NAALADL2: variants seen among roughly 807,000 people sequenced by gnomAD.
NAALADL2 encodes the protein N-acetylated alpha-linked acidic dipeptidase like 2, also known as inactive N-acetylated-alpha-linked acidic dipeptidase-like protein 2.
A neutral mutation model predicts 87.2 loss-of-function variants in NAALADL2; 76 were observed. That is an observed-to-expected ratio of 0.87 (90% CI 0.72 to 1.05). The LOEUF is 1.05. Ranked by LOEUF, NAALADL2 falls within the 50% of genes least tolerant of loss-of-function variation. The pLI is 0.00. For synonymous variants in NAALADL2, 354 were observed against 331.0 expected, an observed-to-expected ratio of 1.07 and a Z score of -0.75; for missense variants, 1,089 against 945.8, an observed-to-expected ratio of 1.15 and a Z score of -1.99.
intron 4 of NAALADL2, among the ~76,000 whole-genome samples, chr3:175,310,721 T>TGTCA (rs149986624): frequency 0.011 from 1,729 of 152,164 alleles, 29 homozygotes; most frequent in African/African-American, 0.036. Flanking sequence ...GGTTCATGCA[T>TGTCA]GTCACTATGG....
intron 11 of NAALADL2, among the ~76,000 whole-genome samples, chr3:175,681,761 A>T (rs946771691): frequency 6.6e-6 from 1 of 152,158 alleles, no homozygotes; most frequent in African/African-American, 2.4e-5. Context: ...AGTGTAAATA[A>T]ATGTCTGAAA....
intron 11 of NAALADL2, among the ~76,000 whole-genome samples, chr3:175,691,572 T>A (rs1438278709): frequency 3.3e-5 from 5 of 151,982 alleles, no homozygotes; most frequent in African/African-American, 7.2e-5. Flanking sequence ...CTCTTCCTTG[T>A]CAATTTTTAC....
chr3:175,738,263 TG>T (rs1453455723), intron 12 of NAALADL2, among the ~76,000 whole-genome samples: 5 of 152,172 alleles, frequency 3.3e-5, no homozygotes, highest in Non-Finnish European at 7.4e-5. Flanking sequence ...TCTTTTTTTT[TG>T]AGATGGAATC....
chr3:174,667,880 C>A (rs1726125080), intron 2 of NAALADL2, among the ~76,000 whole-genome samples: 1 of 152,036 alleles, frequency 6.6e-6, no homozygotes, highest in South Asian at 2.1e-4. Flanking sequence ...ATTCATTTTA[C>A]TTTTCTTAGA....
chr3:175,624,164 A>G (rs1726657183), intron 10 of NAALADL2, among the ~76,000 whole-genome samples: 1 of 152,044 alleles, frequency 6.6e-6, no homozygotes, highest in Non-Finnish European at 1.5e-5. Context: ...CAGAGTTAAT[A>G]ATAAACTCTG....
At chr3:175,091,526 T>C (rs1162087247) in intron 1 of NAALADL2, among the ~76,000 whole-genome samples, 1 of 152,082 alleles carries the variant, frequency 6.6e-6, no homozygotes, top group East Asian at 1.9e-4. Context: ...GGAAAGCCTT[T>C]ATATGTGTTC....
chr3:174,960,462 A>G (rs1741814018), intron 1 of NAALADL2, among the ~76,000 whole-genome samples: 1 of 152,096 alleles, frequency 6.6e-6, no homozygotes, highest in Non-Finnish European at 1.5e-5. Flanking sequence ...AATCAAGAAC[A>G]TTCATCTTGG....
chr3:175,142,571 A>T (rs1310925280), intron 2 of NAALADL2, among the ~76,000 whole-genome samples: 1 of 152,100 alleles, frequency 6.6e-6, no homozygotes, highest in Non-Finnish European at 1.5e-5. Flanking sequence ...CTGCATCTAC[A>T]GCCCATCCTA....
rs563710081 is a variant in NAALADL2 at position 175,292,565 on chromosome 3, A to G, written c.940-31610A>G. Reference sequence around the variant, plus strand: ...GTGATACATTTAAAATGGAGACTCAATAAATGCAGTCTGATTGTGAGTTGG... The same window carrying G: ...GTGATACATTTAAAATGGAGACTCAGTAAATGCAGTCTGATTGTGAGTTGG... On this transcript the variant is annotated intron_variant, in intron 4 of 13. Coordinates refer to ENST00000454872, the MANE Select transcript of NAALADL2 (RefSeq NM_207015.3). 9.4e-5 allele frequency among the ~76,000 whole-genome samples: 14 copies of G among 148,642 alleles called. No individual in the cohort carries two copies. The South Asian group carries it at 2.1e-3, about 23-fold the overall frequency.
chr3:175,656,383 T>G lies in NAALADL2; in HGVS notation c.1896+28997T>G, dbSNP rs149637808. Among the ~76,000 whole-genome samples the G allele has an allele frequency of 1.8e-3, 267 of 152,312 alleles. 1 individual carries two copies. Among genetic ancestry groups the G allele is most frequent in the African/African-American group, 5.1e-3 (212 of 41,570 alleles). On this transcript the variant is annotated intron_variant, in intron 11 of 13. Coordinates refer to ENST00000454872, the MANE Select transcript of NAALADL2 (RefSeq NM_207015.3). ...AACTTTTCTTTGGTAAGTAGAACTT[T>G]CAATTTAACTAAGATCTAATTATTT...
chr3:174,999,842 A>T (rs1747996584), intron 1 of NAALADL2, among the ~76,000 whole-genome samples: 1 of 152,302 alleles, frequency 6.6e-6, no homozygotes, highest in East Asian at 1.9e-4. Flanking sequence ...CATATATATA[A>T]AAATTTTGCT....
At chr3:174,957,156 A>G (rs1295436976) in intron 1 of NAALADL2, among the ~76,000 whole-genome samples, 1 of 152,080 alleles carries the variant, frequency 6.6e-6, no homozygotes, top group South Asian at 2.1e-4. Context: ...TCTTTTCCTC[A>G]TTCTAAGCAT....
intron 2 of NAALADL2, among the ~76,000 whole-genome samples, chr3:175,104,922 C>T (rs1722836441): frequency 2.0e-5 from 3 of 151,968 alleles, no homozygotes; most frequent in African/African-American, 7.3e-5. Context: ...CGGAGTTTCT[C>T]AGTGTTATGC....
chr3:175,338,615 C>A (rs141652015), intron 5 of NAALADL2, among the ~76,000 whole-genome samples: 794 of 33,672 alleles, frequency 0.024, 45 homozygotes, highest in East Asian at 0.14. Flanking sequence ...AAAAAAAAAA[C>A]ACCACAAACA....
intron 2 of NAALADL2, among the ~76,000 whole-genome samples, chr3:174,695,232 C>T (rs958187026): frequency 6.6e-6 from 1 of 151,834 alleles, no homozygotes; most frequent in African/African-American, 2.4e-5. Context: ...TATCATGTGT[C>T]GAGAGTCTAT....
At chr3:174,734,731 A>G (rs1733025385) in intron 2 of NAALADL2, among the ~76,000 whole-genome samples, 1 of 152,328 alleles carries the variant, frequency 6.6e-6, no homozygotes, top group Admixed American at 6.5e-5. Flanking sequence ...GAAGATTTAG[A>G]TAGCACTTCT....
Position 175,179,782 on chromosome 3 carries a change from G to T in NAALADL2, c.546-54149G>T, listed in dbSNP as rs574641815. On this transcript the variant is annotated intron_variant, in intron 2 of 13. Coordinates refer to ENST00000454872, the MANE Select transcript of NAALADL2 (RefSeq NM_207015.3). The stretch of plus-strand genomic sequence containing the variant: ...TTTTATATTTATCATGTTTTATTTT[G>T]TTGCATTTCAATTACTTTATCAGCT... 3.3e-5 allele frequency among the ~76,000 whole-genome samples: 5 copies of T among 151,862 alleles called. No homozygotes were observed. The South Asian group carries it at 1.0e-3, about 32-fold the overall frequency.
intron 3 of NAALADL2, among the ~76,000 whole-genome samples, chr3:174,835,191 A>G (rs945087214): frequency 4.6e-5 from 7 of 152,108 alleles, no homozygotes; most frequent in South Asian, 2.1e-4. Flanking sequence ...AGGGGAAACA[A>G]TAGTGCTAGA....
rs867780946 is a variant in NAALADL2, at chr3:174,689,515, A to T, written c.-114-48126A>T. Among the ~76,000 whole-genome samples the T allele has an allele frequency of 9.2e-5, 14 of 152,164 alleles. No homozygotes were observed. In the South Asian group the frequency reaches 1.0e-3, roughly 11 times the overall value. On this transcript the variant is annotated intron_variant, in intron 2 of 3. Transcript: ENST00000434257. ...CCTTGCCTCTTCAGAATAGTCTGGG[A>T]ATCAGCAGTATGAACATCACCGGGG...
Sources: gnomAD v4.1 joint callset for allele counts (sites outside exome capture counted in the v4.1 genomes callset) on GRCh38, gnomAD v4.1.1 for gene constraint, MANE v1.5 for transcripts, NCBI Gene and HGNC (gene_info 2026-07-23, HGNC 2026-07-21) for gene names.